The following CAV1 variants were observed in gnomAD, a reference collection of about 807,000 sequenced individuals.
CAV1 encodes the protein caveolin-1.
In CAV1, 10 loss-of-function variants were observed where a neutral mutation model predicts 16.5. That is an observed-to-expected ratio of 0.61 (90% CI 0.37 to 1.03). The LOEUF (loss-of-function observed/expected upper bound fraction) is 1.03. CAV1 is among the 50% of genes least tolerant of loss of function. The pLI is 0.01. For synonymous variants in CAV1, 76 were observed against 85.1 expected, an observed-to-expected ratio of 0.89 and a Z score of 0.59; for missense variants, 212 against 232.8, an observed-to-expected ratio of 0.91 and a Z score of 0.58.
At position 116,557,120 on chromosome 7, in the gene CAV1, T is replaced by C. The variant is rs148438979; in HGVS notation, c.196-1826T>C. 3.0e-4 allele frequency among the ~76,000 whole-genome samples: 46 copies of C among 152,334 alleles called. 1 individual carries two copies. In the East Asian group the frequency reaches 8.7e-3, roughly 29 times the overall value. On this transcript the variant is annotated intron_variant, in intron 2 of 2. Coordinates refer to ENST00000341049, the MANE Select transcript of CAV1 (RefSeq NM_001753.5). ...CACAACTAAATGTTTACCCTGTGTC[T>C]AGATCCAAATGGGTGAAGAAAAATG... is the stretch of plus-strand genomic sequence containing the variant.
intron 2 of CAV1, among the ~76,000 whole-genome samples, chr7:116,530,358 C>A (rs1793664138): frequency 6.6e-6 from 1 of 152,014 alleles, no homozygotes; most frequent in East Asian, 1.9e-4. Flanking sequence ...CTACTGTAAG[C>A]CTTCTCATCA....
chr7:116,559,349 T>C lies in CAV1; in HGVS notation c.*62T>C. The C allele has an allele frequency of 8.0e-7, 1 of 1,255,964 alleles. No homozygotes were observed. Among genetic ancestry groups the C allele is most frequent in the Non-Finnish European group, 1.2e-6 (1 of 867,872 alleles). 77.8% of individuals were successfully genotyped at this position (1,255,964 alleles called of 1,614,324 possible). On this transcript the variant is annotated 3_prime_UTR_variant, in exon 3 of 3. Transcript: ENST00000341049. ...TTCCTTTTAATTTTCCTGGTGCCAA[T>C]TTCAAGTTCCAAGTTGCTAATACAG... is the stretch of plus-strand genomic sequence containing the variant.
At chr7:116,555,518 A>AAGAAAGAAAGAAAGAAAG (rs1554357869) in intron 2 of CAV1, among the ~76,000 whole-genome samples, 7 of 14,054 alleles carry the variant, frequency 5.0e-4, no homozygotes, top group Admixed American at 2.9e-3. Flanking sequence ...GAAAGAAAGA[A>AAGAAAGAAAGAAAGAAAG]AGAGAGAGAG....
At position 116,525,884 on chromosome 7, in the gene CAV1, T is replaced by C. The variant is rs1000781443; in HGVS notation, c.31-641T>C. On this transcript the variant is annotated intron_variant, in intron 1 of 2. Transcript: ENST00000341049. ...ATGGGGACTTTCGGGATTGTGATCA[T>C]CACGGCGGATTGAGCAGGGAGAGCC... The C allele has an allele frequency of 4.1e-6, 4 of 968,646 alleles. No individual in the cohort carries two copies. In the African/African-American group the frequency reaches 7.1e-5, roughly 17 times the overall value. 60.0% of individuals were successfully genotyped at this position (968,646 alleles called of 1,614,324 possible). A position where few individuals can be genotyped will look rare whatever the true frequency, so the allele number is the denominator to read the frequency against.
At position 116,559,953 on chromosome 7, in the gene CAV1, T is replaced by G. The variant is rs992322396; in HGVS notation, c.*666T>G. 2 of 397,596 alleles carry G rather than the reference T, an allele frequency of 5.0e-6. No individual in the cohort carries two copies. Among genetic ancestry groups the G allele is most frequent in the Non-Finnish European group, 8.9e-6 (2 of 225,636 alleles). The allele number at this position is 397,596 out of a possible 1,614,324, so 24.6% of individuals were successfully genotyped here. ...ATAACAAGACCTCAGTGCCTTCCTGTTTTTCACATTTTCCTTTTCAAATAG... is the reference window on the plus strand; with the variant it reads ...ATAACAAGACCTCAGTGCCTTCCTGGTTTTCACATTTTCCTTTTCAAATAG... On this transcript the variant is annotated 3_prime_UTR_variant, in exon 3 of 3. Transcript: ENST00000341049.
rs1478856618 is a variant in CAV1 at position 116,555,542 on chromosome 7, G to GAGAGAGAGAAAA, written c.196-3401_196-3400insGAGAGAAAAAGA. ...AAAGAGAGAGAGAGAGAGAGAGAGA[G>GAGAGAGAGAAAA]AGAAAGAAAGAAAGAAAGAAAGAAA... On this transcript the variant is annotated intron_variant, in intron 2 of 2. Transcript: ENST00000341049. 4.1e-4 allele frequency among the ~76,000 whole-genome samples: 5 copies of GAGAGAGAGAAAA among 12,146 alleles called. 1 individual carries two copies. The highest frequency in any genetic ancestry group is 1.2e-3 in the African/African-American group (5 of 4,280). 8.0% of individuals were successfully genotyped at this position (12,146 alleles called of 152,430 possible). A position where few individuals can be genotyped will look rare whatever the true frequency, so the allele number is the denominator to read the frequency against.
intron 2 of CAV1, among the ~76,000 whole-genome samples, chr7:116,538,834 C>CT (rs1476499638): frequency 6.6e-6 from 1 of 152,176 alleles, no homozygotes; most frequent in African/African-American, 2.4e-5. Context: ...AAAGGCACAT[C>CT]TTACATGGTG....
chr7:116,553,387 G>A (rs1318487680), intron 2 of CAV1, among the ~76,000 whole-genome samples: 2 of 151,850 alleles, frequency 1.3e-5, no homozygotes, highest in African/African-American at 4.8e-5. Flanking sequence ...CTGCACAAAG[G>A]TATTTCATGT....
intron 2 of CAV1, among the ~76,000 whole-genome samples, chr7:116,547,636 A>C (rs12668226): frequency 0.073 from 11,040 of 152,170 alleles, 658 homozygotes; most frequent in East Asian, 0.21. Flanking sequence ...AATACAAAAT[A>C]AGCAGTCACT....
chr7:116,534,217 C>CA (rs1249026095), intron 2 of CAV1, among the ~76,000 whole-genome samples: 11 of 150,172 alleles, frequency 7.3e-5, no homozygotes, highest in East Asian at 4.0e-4. Context: ...GACTCCATCA[C>CA]AAAAAAATAA....
In CAV1 at chr7:116,525,047, C is replaced by A. The variant is rs748743147; in HGVS notation, c.-16C>A. The A allele has an allele frequency of 1.2e-6, 2 of 1,614,194 alleles. No homozygotes were observed. The highest frequency in any genetic ancestry group is 2.2e-5 in the South Asian group (2 of 91,084). ...AGGGAAACCTCCTCACAGTTTTCAT[C>A]CAGCCACGGGCCAGCATGTCTGGGG... On this transcript the variant is annotated 5_prime_UTR_variant, in exon 1 of 3. Transcript: ENST00000341049.
chr7:116,551,076 G>A (rs1010998238), intron 2 of CAV1, among the ~76,000 whole-genome samples: 6 of 152,162 alleles, frequency 3.9e-5, no homozygotes, highest in African/African-American at 1.4e-4. Context: ...AGGGAACATG[G>A]CACACTCTAG....
chr7:116,552,287 C>T (rs1229484965), intron 2 of CAV1, among the ~76,000 whole-genome samples: 1 of 152,130 alleles, frequency 6.6e-6, no homozygotes, highest in African/African-American at 2.4e-5. Flanking sequence ...TTTGCTAAAA[C>T]TTGTATCAAT....
intron 2 of CAV1, among the ~76,000 whole-genome samples, chr7:116,530,660 G>A (rs913044946): frequency 1.3e-5 from 2 of 152,144 alleles, no homozygotes; most frequent in African/African-American, 4.8e-5. Context: ...AGCCAGGCAT[G>A]GAGACAAGAA....
At chr7:116,557,524 T>C (rs1220395106) in intron 2 of CAV1, among the ~76,000 whole-genome samples, 2 of 152,168 alleles carry the variant, frequency 1.3e-5, no homozygotes, top group African/African-American at 4.8e-5. Flanking sequence ...TTTTTAATCC[T>C]GTGCTTCAGT....
intron 1 of CAV1, chr7:116,525,322 A>G (rs1793534389): frequency 6.5e-7 from 1 of 1,548,614 alleles, no homozygotes; most frequent in Non-Finnish European, 8.7e-7. Context: ...CCCCTGAGCT[A>G]GGAGGACACG....
intron 2 of CAV1, among the ~76,000 whole-genome samples, chr7:116,534,395 A>ATTTTT (rs1159703159): frequency 1.3e-3 from 10 of 7,822 alleles, no homozygotes; most frequent in Non-Finnish European, 2.4e-3. Context: ...ATATATATAT[A>ATTTTT]TTTTTTTTTT....
intron 2 of CAV1, among the ~76,000 whole-genome samples, chr7:116,548,219 G>C (rs1562835193): frequency 6.6e-6 from 1 of 152,152 alleles, no homozygotes; most frequent in Non-Finnish European, 1.5e-5. Flanking sequence ...ATTTTAACAA[G>C]CATCCCCAGA....
At position 116,559,507 on chromosome 7, in the gene CAV1, T is replaced by A. The variant is rs1794362059; in HGVS notation, c.*220T>A. On this transcript the variant is annotated 3_prime_UTR_variant, in exon 3 of 3. Coordinates refer to ENST00000341049, the MANE Select transcript of CAV1 (RefSeq NM_001753.5). ...TGAATTTTTAAAACCCATTTAAATTTTTTTCCTTACCTTTTTATTTGCATG... is the reference window on the plus strand; with the variant it reads ...TGAATTTTTAAAACCCATTTAAATTATTTTCCTTACCTTTTTATTTGCATG... The A allele has an allele frequency of 5.0e-6, 3 of 602,128 alleles. No individual in the cohort carries two copies. Among genetic ancestry groups the A allele is most frequent in the Non-Finnish European group, 5.8e-6 (2 of 341,882 alleles). 37.3% of individuals were successfully genotyped at this position (602,128 alleles called of 1,614,324 possible).
Sources: allele counts gnomAD v4.1 joint callset (sites outside exome capture counted in the v4.1 genomes callset), GRCh38; gene constraint gnomAD v4.1.1; transcripts MANE v1.5; gene names NCBI Gene and HGNC (gene_info 2026-07-23, HGNC 2026-07-21).